Variants in RBFOX3 observed in about 807,000 individuals in gnomAD.
RBFOX3 encodes the protein RNA binding protein fox-1 homolog 3.
In RBFOX3, 17 loss-of-function variants were observed where a neutral mutation model predicts 48.7. The ratio of observed to expected loss-of-function variants is 0.35; its 90% CI spans 0.24 to 0.52. The LOEUF (loss-of-function observed/expected upper bound fraction) is 0.52. RBFOX3 is among the 20% of genes least tolerant of loss of function. The pLI, the probability that RBFOX3 is intolerant of heterozygous loss-of-function variation, is 0.94. For missense variants in RBFOX3, 382 were observed against 497.5 expected (o/e 0.77, Z 2.21); for synonymous variants, 212 against 209.5 (o/e 1.01, Z -0.10).
chr17:79,386,508 T>A (rs1038560502), intron 2 of RBFOX3, among the ~76,000 whole-genome samples: 2 of 151,940 alleles, frequency 1.3e-5, no homozygotes, highest in Non-Finnish European at 2.9e-5. Context: ...CAAGCTGGGG[T>A]CCAAAGCCAG....
At chr17:79,238,874 G>A (rs138358800) in intron 3 of RBFOX3, among the ~76,000 whole-genome samples, 1,599 of 152,294 alleles carry the variant, frequency 0.01, 16 homozygotes, top group South Asian at 0.036. Context: ...CAGAACTAGA[G>A]GGATGGTCAA....
At chr17:79,593,936 G>A (rs1447448432) in intron 1 of RBFOX3, among the ~76,000 whole-genome samples, 1 of 152,176 alleles carries the variant, frequency 6.6e-6, no homozygotes, top group Non-Finnish European at 1.5e-5. Flanking sequence ...TTGGACCAAA[G>A]GGTTTGGGCA....
intron 2 of RBFOX3, among the ~76,000 whole-genome samples, chr17:79,371,310 T>A (rs1415963430): frequency 2.0e-5 from 3 of 152,250 alleles, no homozygotes; most frequent in Non-Finnish European, 4.4e-5. Context: ...GGGCTGTGAA[T>A]ATCTTGCTGC....
intron 4 of RBFOX3, among the ~76,000 whole-genome samples, chr17:79,224,011 G>T (rs2060034084): frequency 6.6e-6 from 1 of 152,168 alleles, no homozygotes; most frequent in Admixed American, 6.5e-5. Context: ...TGGAAGGCAG[G>T]CTTGAATGCC....
At chr17:79,593,813 C>T (rs2093490900) in intron 1 of RBFOX3, among the ~76,000 whole-genome samples, 2 of 152,158 alleles carry the variant, frequency 1.3e-5, no homozygotes, top group African/African-American at 4.8e-5. Flanking sequence ...AGCGGCCCAA[C>T]GTCTGTTCTC....
Position 79,198,186 on chromosome 17 carries a change from C to G in RBFOX3, c.-34+37580G>C, listed in dbSNP as rs892676832. Among the ~76,000 whole-genome samples the G allele has an allele frequency of 6.6e-6, 1 of 152,084 alleles. No homozygotes were observed. The highest frequency in any genetic ancestry group is 1.5e-5 in the Non-Finnish European group (1 of 68,036). On this transcript the variant is annotated intron_variant, in intron 4 of 14. Coordinates refer to ENST00000693108, the MANE Select transcript of RBFOX3 (RefSeq NM_001350451.2). The surrounding 1 kb of genome is among the most constrained non-coding windows in gnomAD (Gnocchi z 8.2). ...CATCCCGGAAGTGCTACGGTTGCAT[C>G]GCTGGACCATCCTCAACACTGGACC...
At chr17:79,368,452 C>T (rs1001624415) in intron 2 of RBFOX3, among the ~76,000 whole-genome samples, 11 of 152,240 alleles carry the variant, frequency 7.2e-5, no homozygotes, top group East Asian at 1.9e-4. Context: ...AAACCTAGGA[C>T]GCCCGCATTT....
In RBFOX3 at chr17:79,134,750, C is replaced by T. The variant is rs191192226; in HGVS notation, c.-33-19002G>A. On this transcript the variant is annotated intron_variant, in intron 4 of 14. Coordinates refer to ENST00000693108, the MANE Select transcript of RBFOX3 (RefSeq NM_001350451.2). Reference sequence around the variant, plus strand: ...CCCCTGGGGGAAGAGGCAGTTCCCCCCTGCGCCTGGGCCCAAAAGGACGCC... The same window carrying T: ...CCCCTGGGGGAAGAGGCAGTTCCCCTCTGCGCCTGGGCCCAAAAGGACGCC... 3.2e-3 allele frequency among the ~76,000 whole-genome samples: 486 copies of T among 152,334 alleles called. 1 individual carries two copies. The highest frequency in any genetic ancestry group is 6.8e-3 in the Middle Eastern group (2 of 294).
the RBFOX3 span, among the ~76,000 whole-genome samples, chr17:79,664,689 T>C: frequency 6.6e-6 from 1 of 152,160 alleles, no homozygotes; most frequent in African/African-American, 2.4e-5. Context: ...TGGCATTACC[T>C]GGCCATTGTT....
chr17:79,291,104 T>C (rs1567985998), intron 3 of RBFOX3, among the ~76,000 whole-genome samples: 1 of 152,196 alleles, frequency 6.6e-6, no homozygotes, highest in Admixed American at 6.5e-5. Context: ...CATGATAAAA[T>C]GCCAGCCTGC....
At position 79,192,321 on chromosome 17, in the gene RBFOX3, A is replaced by G. The variant is rs2054682262; in HGVS notation, c.-34+43445T>C. On this transcript the variant is annotated intron_variant, in intron 4 of 14. Transcript: ENST00000693108. ...GAGTTGCTGCATCAGGATGGGGGGG[A>G]GCCGTCTGTTCCTGCTCTTACTTCC... 2.0e-5 allele frequency among the ~76,000 whole-genome samples: 3 copies of G among 150,926 alleles called. No homozygotes were observed. In the South Asian group the frequency reaches 6.4e-4, roughly 32 times the overall value.
chr17:79,325,185 C>T (rs1050641674), intron 2 of RBFOX3, among the ~76,000 whole-genome samples: 13 of 152,216 alleles, frequency 8.5e-5, no homozygotes, highest in Non-Finnish European at 4.4e-5. Context: ...GAAACTGAGC[C>T]AAAGGACAAA....
At chr17:79,360,005 C>T (rs1016631773) in intron 2 of RBFOX3, among the ~76,000 whole-genome samples, 3 of 151,974 alleles carry the variant, frequency 2.0e-5, no homozygotes, top group Non-Finnish European at 2.9e-5. Flanking sequence ...GAATTACAGG[C>T]GTGAGCTCCC....
rs919649790 is a variant in RBFOX3, at chr17:79,095,686, T to C, written c.937-112A>G. On this transcript the variant is annotated intron_variant, in intron 12 of 14. Coordinates refer to ENST00000693108, the MANE Select transcript of RBFOX3 (RefSeq NM_001350451.2). ...GTGCGGGTGGGGCCCTGGGAGGGAC[T>C]ACAGACCTTCCCAGCCTCCCAGCCT... is the stretch of plus-strand genomic sequence containing the variant. 34 of 913,724 alleles carry C rather than the reference T, an allele frequency of 3.7e-5. No homozygotes were observed. In the Middle Eastern group the frequency reaches 9.7e-4, roughly 26 times the overall value. The allele number at this position is 913,724 out of a possible 1,614,324, so 56.6% of individuals were successfully genotyped here. A position where few individuals can be genotyped will look rare whatever the true frequency, so the allele number is the denominator to read the frequency against.
chr17:79,595,664 G>C (rs1019443730), intron 1 of RBFOX3, among the ~76,000 whole-genome samples: 1 of 152,180 alleles, frequency 6.6e-6, no homozygotes, highest in African/African-American at 2.4e-5. Flanking sequence ...AGGGGAGGAC[G>C]GACCTGGCAT....
At chr17:79,455,999 C>T (rs192058994) in intron 2 of RBFOX3, among the ~76,000 whole-genome samples, 20 of 152,150 alleles carry the variant, frequency 1.3e-4, no homozygotes, top group African/African-American at 4.6e-4. Flanking sequence ...ACTGACGAGG[C>T]TCCACCCCAA....
chr17:79,627,335 A>G, the RBFOX3 span, among the ~76,000 whole-genome samples: 1 of 152,134 alleles, frequency 6.6e-6, no homozygotes, highest in Non-Finnish European at 1.5e-5. Flanking sequence ...ACCAGGCCCC[A>G]TGGCACCTGA....
chr17:79,465,755 G>A (rs1682585729), intron 2 of RBFOX3, among the ~76,000 whole-genome samples: 1 of 152,248 alleles, frequency 6.6e-6, no homozygotes, highest in Non-Finnish European at 1.5e-5. Context: ...GAGTCACTCG[G>A]CAGGTAGCCA....
chr17:79,569,369 C>T (rs1220062702), intron 1 of RBFOX3, among the ~76,000 whole-genome samples: 1 of 152,160 alleles, frequency 6.6e-6, no homozygotes, highest in Non-Finnish European at 1.5e-5. Flanking sequence ...TCACTCAGCA[C>T]ATCATTTTTA....
Sources: allele counts gnomAD v4.1 joint callset (sites outside exome capture counted in the v4.1 genomes callset), GRCh38; gene constraint gnomAD v4.1.1; non-coding constraint Gnocchi (gnomAD v3.1); transcripts MANE v1.5; gene names NCBI Gene and HGNC (gene_info 2026-07-23, HGNC 2026-07-21).